HEG1: variants seen among roughly 807,000 people sequenced by gnomAD.
The protein encoded by HEG1 is heart development protein with EGF like domains 1.
HEG1 carries 56 observed loss-of-function variants against 125.6 expected under a neutral mutation model. That is an observed-to-expected ratio of 0.45 (90% CI 0.36 to 0.56). The LOEUF (loss-of-function observed/expected upper bound fraction) is 0.56. HEG1 is among the 20% of genes least tolerant of loss of function. HEG1 has a pLI of 0.00. For synonymous variants in HEG1, 644 were observed against 668.5 expected (o/e 0.96, Z 0.57); for missense variants, 1,523 against 1,670.0 (o/e 0.91, Z 1.53).
At chr3:124,994,797 C>T (rs1054055575) in intron 12 of HEG1, among the ~76,000 whole-genome samples, 3 of 152,222 alleles carry the variant, frequency 2.0e-5, no homozygotes, top group Non-Finnish European at 4.4e-5. Context: ...AGCCACTGTG[C>T]CCAGCTGACA....
intron 9 of HEG1, among the ~76,000 whole-genome samples, 183 bp downstream of exon 9, chr3:125,005,082 G>C (rs1937053227): frequency 1.3e-5 from 2 of 152,174 alleles, no homozygotes; most frequent in Non-Finnish European, 2.9e-5. Flanking sequence ...CTCTTCTACT[G>C]GGCACAAATA....
At chr3:124,988,290 C>T (rs1936776575) in intron 14 of HEG1, among the ~76,000 whole-genome samples, 1 of 152,018 alleles carries the variant, frequency 6.6e-6, no homozygotes, top group African/African-American at 2.4e-5. Flanking sequence ...ACTGGCTTGC[C>T]TAAATACTGA....
chr3:125,013,287 T>C lies in HEG1; in HGVS notation c.2292A>G (p.Thr764=). 6.2e-7 allele frequency: 1 copy of C among 1,614,056 alleles called. No individual in the cohort carries two copies. The highest frequency in any genetic ancestry group is 8.5e-7 in the Non-Finnish European group (1 of 1,179,904). ...TACTATGGAGCATTGTCATGAATGA[T>C]GTCATTGTTGATGTCTGAAATGAAG... ...PVTSFQTSTM[T]SFMTMLHSSQ... is the part of the protein sequence containing the mutation. The change falls in exon 6 of 17, where the codon ACA becomes ACG. Residue 764 remains threonine, a synonymous_variant. Transcript: ENST00000311127.
rs570649044 is a variant in HEG1, at chr3:125,013,738, T to C, written c.1841A>G (p.Tyr614Cys). 2 of 1,614,022 alleles carry C rather than the reference T, an allele frequency of 1.2e-6. No homozygotes were observed. The highest frequency in any genetic ancestry group is 1.1e-5 in the South Asian group (1 of 91,078). Residue 614 changes from tyrosine (Y) to cysteine (C), a missense_variant, in exon 6 of 17, where the codon TAT becomes TGT. Coordinates refer to ENST00000311127, the MANE Select transcript of HEG1 (RefSeq NM_020733.2). ...AQTERSNISSYDGEYAQPSTE... is the reference protein window; with the variant it reads ...AQTERSNISSCDGEYAQPSTE... ...AGAAGGCTGAGCATATTCCCCGTCA[T>C]AGGATGAGATGTTACTTCTCTCAGT...
At position 124,997,701 on chromosome 3, in the gene HEG1, G is replaced by A; in HGVS notation, c.3640C>T (p.His1214Tyr). The A allele has an allele frequency of 1.9e-6, 3 of 1,583,882 alleles. No homozygotes were observed. Among genetic ancestry groups the A allele is most frequent in the Non-Finnish European group, 2.6e-6 (3 of 1,159,542 alleles). The change falls in exon 12 of 17, where the codon CAC becomes TAC. Residue 1214 changes from histidine to tyrosine, a missense_variant. By Grantham distance (83) the His-to-Tyr change is moderately conservative (BLOSUM62 2). Transcript: ENST00000311127. ...SGYFQFNKMD[H>Y]SCRACEDGYR... is the part of the protein sequence containing the mutation. ...AAGCTGTGGCTACCTCGGCAGGAGT[G>A]GTCCATCTTGTTGAACTGAAAGTAT...
chr3:124,981,795 T>C (rs1222609539), intron 14 of HEG1, among the ~76,000 whole-genome samples: 4 of 152,246 alleles, frequency 2.6e-5, no homozygotes, highest in African/African-American at 9.6e-5. Context: ...GTGGATAATT[T>C]GCTTTCTTCT....
At chr3:124,977,058 A>G (rs542407656) in intron 15 of HEG1, among the ~76,000 whole-genome samples, 12 of 134,960 alleles carry the variant, frequency 8.9e-5, no homozygotes, top group Non-Finnish European at 1.7e-4. Context: ...GGTCTTTCCC[A>G]TGCTGTTCTC....
chr3:124,997,016 G>T (rs1399154595), intron 12 of HEG1, among the ~76,000 whole-genome samples: 1 of 152,170 alleles, frequency 6.6e-6, no homozygotes, highest in Non-Finnish European at 1.5e-5. Flanking sequence ...CACCTTAAAG[G>T]TTAGTAGAAT....
At chr3:125,045,535 G>A (rs144772350) in intron 1 of HEG1, among the ~76,000 whole-genome samples, 162 of 152,344 alleles carry the variant, frequency 1.1e-3, no homozygotes, top group African/African-American at 3.6e-3. Context: ...ATCCCACCTG[G>A]TGGGAGGCAG....
intron 12 of HEG1, among the ~76,000 whole-genome samples, chr3:124,994,247 T>C (rs148571543): frequency 5.3e-4 from 80 of 152,328 alleles, no homozygotes; most frequent in African/African-American, 1.9e-3. Context: ...CTGCCGCTGA[T>C]GTGACAGGAG....
chr3:124,987,247 A>C (rs1369620327), intron 14 of HEG1, among the ~76,000 whole-genome samples: 2 of 152,308 alleles, frequency 1.3e-5, no homozygotes, highest in Admixed American at 1.3e-4. Flanking sequence ...TGACCAAAGC[A>C]GGTTTAAAGT....
chr3:125,049,761 C>T (rs6786972), intron 1 of HEG1, among the ~76,000 whole-genome samples: 5,080 of 152,212 alleles, frequency 0.033, 261 homozygotes, highest in African/African-American at 0.11. Flanking sequence ...CACATCAATA[C>T]GATGCCCACC....
chr3:125,029,091 G>A (rs1279574160), intron 2 of HEG1, 104 bp downstream of exon 2: 1 of 1,305,158 alleles, frequency 7.7e-7, no homozygotes, highest in Non-Finnish European at 1.1e-6. Flanking sequence ...AGGAACCTTG[G>A]AAGGGCACAA....
At chr3:124,992,080 G>A (rs1358818796) in intron 12 of HEG1, among the ~76,000 whole-genome samples, 1 of 152,144 alleles carries the variant, frequency 6.6e-6, no homozygotes, top group Non-Finnish European at 1.5e-5. Context: ...CCATGAGAAG[G>A]GGGGGAGCTG....
Position 125,027,202 on chromosome 3 carries a change from C to A in HEG1, c.913+3G>T. 6.3e-7 allele frequency: 1 copy of A among 1,584,726 alleles called. No individual in the cohort carries two copies. Among genetic ancestry groups the A allele is most frequent in the Admixed American group, 1.8e-5 (1 of 56,436 alleles). Reference sequence around the variant, plus strand: ...AGTGTTAAGCTGGGTATGTGGCACTCACATGAGGAAAGGTCTAAGAGAGGA... The same window carrying A: ...AGTGTTAAGCTGGGTATGTGGCACTAACATGAGGAAAGGTCTAAGAGAGGA... On this transcript the variant is annotated splice_donor_region_variant and intron_variant, in intron 3 of 16. Coordinates refer to ENST00000311127, the MANE Select transcript of HEG1 (RefSeq NM_020733.2).
At chr3:125,045,574 A>T (rs974918602) in intron 1 of HEG1, among the ~76,000 whole-genome samples, 8 of 152,322 alleles carry the variant, frequency 5.3e-5, no homozygotes, top group Admixed American at 3.9e-4. Context: ...AGCCATGGCA[A>T]TCACAGACAG....
chr3:124,986,588 A>T (rs995262418), intron 14 of HEG1, among the ~76,000 whole-genome samples: 1 of 152,210 alleles, frequency 6.6e-6, no homozygotes, highest in African/African-American at 2.4e-5. Flanking sequence ...ACTAATAGAG[A>T]TATCAAAATG....
rs67009322 is a variant in HEG1 at position 124,987,924 on chromosome 3, TACACACACACAC to T, written c.3733+2851_3733+2862del. Among the ~76,000 whole-genome samples, 8 of 67,654 alleles carry T rather than the reference TACACACACACAC, an allele frequency of 1.2e-4. 1 individual carries two copies. Among genetic ancestry groups the T allele is most frequent in the Non-Finnish European group, 2.4e-4 (8 of 32,692 alleles). The allele number at this position is 67,654 out of a possible 152,430, so 44.4% of individuals were successfully genotyped here. A position where few individuals can be genotyped will look rare whatever the true frequency, so the allele number is the denominator to read the frequency against. On this transcript the variant is annotated intron_variant, in intron 14 of 16. Transcript: ENST00000311127. ...TCTCTTCTGAAAGACTATATATGTG[TACACACACACAC>T]ACACACACACACACACATATATATA...
intron 14 of HEG1, among the ~76,000 whole-genome samples, chr3:124,980,664 G>T (rs1040826430): frequency 6.6e-6 from 1 of 151,896 alleles, no homozygotes; most frequent in African/African-American, 2.4e-5. Context: ...TTACAGGCAC[G>T]CGCCACCATG....
Sources: allele counts gnomAD v4.1 joint callset (sites outside exome capture counted in the v4.1 genomes callset), GRCh38; gene constraint gnomAD v4.1.1; transcripts MANE v1.5; gene names NCBI Gene and HGNC (gene_info 2026-07-23, HGNC 2026-07-21).